ARMC7: variants seen among roughly 807,000 people sequenced by gnomAD.
The protein encoded by ARMC7 is armadillo repeat containing 7, also known as armadillo repeat-containing protein 7.
In ARMC7, 9 loss-of-function variants were observed where a neutral mutation model predicts 14.8. The ratio of observed to expected loss-of-function variants is 0.61; its 90% CI spans 0.37 to 1.06. ARMC7 has a LOEUF of 1.06. Ranked by LOEUF, ARMC7 falls within the 50% of genes least tolerant of loss-of-function variation. ARMC7 has a pLI of 0.01. For missense variants in ARMC7, 262 were observed against 267.1 expected (o/e 0.98, Z 0.13); for synonymous variants, 125 against 123.4 (o/e 1.01, Z -0.09).
At chr17:75,114,681 C>G in intron 2 of ARMC7, 2 of 398,436 alleles carry the variant, frequency 5.0e-6, no homozygotes, top group Non-Finnish European at 8.8e-6. Flanking sequence ...CTTTACTTTT[C>G]CCAACCATTT....
chr17:75,110,032 A>G lies in ARMC7; in HGVS notation c.-257A>G, dbSNP rs1372251059. 2.1e-6 allele frequency: 1 copy of G among 465,798 alleles called. No individual in the cohort carries two copies. Among genetic ancestry groups the G allele is most frequent in the Non-Finnish European group, 3.8e-6 (1 of 260,148 alleles). The allele number at this position is 465,798 out of a possible 1,614,324, so 28.9% of individuals were successfully genotyped here. On this transcript the variant is annotated 5_prime_UTR_variant, in exon 1 of 3. Transcript: ENST00000245543. ...CCCCTCCGCGAGCCCCAACCAGTAG[A>G]CGGTTCCCTGTCTCCCGCGCCCCAA...
chr17:75,123,092 G>A (rs2074025625), intron 2 of ARMC7, among the ~76,000 whole-genome samples: 1 of 146,364 alleles, frequency 6.8e-6, no homozygotes, highest in Admixed American at 7.0e-5. Context: ...AAGCTGGATT[G>A]CAGTGGCACG....
Position 75,129,150 on chromosome 17 carries a change from G to C in ARMC7, c.*112G>C. 7.1e-7 allele frequency: 1 copy of C among 1,406,816 alleles called. No individual in the cohort carries two copies. Among genetic ancestry groups the C allele is most frequent in the South Asian group, 1.5e-5 (1 of 68,684 alleles). 87.1% of individuals were successfully genotyped at this position (1,406,816 alleles called of 1,614,324 possible). ...CCCATTGGTGCCTTTTCAGCCATCT[G>C]AAAGGCGGGTTCTTTCAGCAGGACA... On this transcript the variant is annotated 3_prime_UTR_variant, in exon 3 of 3. Coordinates refer to ENST00000245543, the MANE Select transcript of ARMC7 (RefSeq NM_024585.4).
At chr17:75,116,861 C>T (rs1034733483) in intron 2 of ARMC7, among the ~76,000 whole-genome samples, 3 of 152,170 alleles carry the variant, frequency 2.0e-5, no homozygotes, top group African/African-American at 7.2e-5. Context: ...GGCTTCCTTC[C>T]GTCTGTCCCT....
intron 2 of ARMC7, among the ~76,000 whole-genome samples, chr17:75,118,646 T>G (rs1333200416): frequency 6.6e-6 from 1 of 152,196 alleles, no homozygotes; most frequent in Non-Finnish European, 1.5e-5. Context: ...ATTGTAGAAC[T>G]AGTTTATTGA....
At position 75,110,237 on chromosome 17, in the gene ARMC7, G is replaced by C; in HGVS notation, c.-52G>C. 1.3e-6 allele frequency: 2 copies of C among 1,516,070 alleles called. No individual in the cohort carries two copies. The highest frequency in any genetic ancestry group is 1.8e-6 in the Non-Finnish European group (2 of 1,128,052). 93.9% of individuals were successfully genotyped at this position (1,516,070 alleles called of 1,614,324 possible). On this transcript the variant is annotated 5_prime_UTR_variant, in exon 1 of 3. Transcript: ENST00000245543. ...GAGGGTCTCGCTCGGCTTTCCCCCTGCACCTTTCCCACCCTCCCGCCCGTC... is the reference window on the plus strand; with the variant it reads ...GAGGGTCTCGCTCGGCTTTCCCCCTCCACCTTTCCCACCCTCCCGCCCGTC...
In ARMC7 at chr17:75,110,586, C is replaced by A; in HGVS notation, c.215C>A (p.Thr72Asn). Residue 72 changes from threonine to asparagine, a missense_variant, in exon 2 of 3, where the codon ACC becomes AAC. Coordinates refer to ENST00000245543, the MANE Select transcript of ARMC7 (RefSeq NM_024585.4). ...GATTCGCTGTCGGAGGAGAATGAGA[C>A]CCTGGTGGAGTTTGCTATTGGTAAG... ...FLDSLSEENE[T>N]LVEFAIGGLC... 1.2e-6 allele frequency: 2 copies of A among 1,614,214 alleles called. No individual in the cohort carries two copies. The highest frequency in any genetic ancestry group is 1.1e-5 in the South Asian group (1 of 91,092).
intron 2 of ARMC7, among the ~76,000 whole-genome samples, chr17:75,112,884 A>G (rs2073938542): frequency 6.6e-6 from 1 of 151,966 alleles, no homozygotes; most frequent in Non-Finnish European, 1.5e-5. Context: ...GAAGGCCCCA[A>G]CCAGGAATGC....
At chr17:75,119,806 G>C (rs184459904) in intron 2 of ARMC7, among the ~76,000 whole-genome samples, 1 of 151,828 alleles carries the variant, frequency 6.6e-6, no homozygotes, top group South Asian at 2.1e-4. Context: ...CAGCATGGGC[G>C]AGTCCCCAGA....
intron 2 of ARMC7, among the ~76,000 whole-genome samples, chr17:75,120,948 G>A (rs1182653473): frequency 6.6e-6 from 1 of 152,036 alleles, no homozygotes; most frequent in Non-Finnish European, 1.5e-5. Context: ...AAACCAAGAC[G>A]TAGAAACTCC....
chr17:75,123,546 A>G (rs1480230609), intron 2 of ARMC7, among the ~76,000 whole-genome samples: 1 of 151,382 alleles, frequency 6.6e-6, no homozygotes, highest in Non-Finnish European at 1.5e-5. Context: ...GTAGAGAGGG[A>G]GTTTCACCGT....
intron 1 of ARMC7, 36 bp downstream of exon 1, chr17:75,110,415 C>T: frequency 6.2e-7 from 1 of 1,614,180 alleles, no homozygotes; most frequent in Non-Finnish European, 8.5e-7. Context: ...GCAGGGTCCG[C>T]TGTGACCGCC....
chr17:75,122,874 G>A (rs930274459), intron 2 of ARMC7, among the ~76,000 whole-genome samples: 2 of 151,766 alleles, frequency 1.3e-5, no homozygotes, highest in Non-Finnish European at 2.9e-5. Flanking sequence ...GCCTGGTGAG[G>A]GGGGCGTGGT....
At chr17:75,112,873 C>T (rs1454556004) in intron 2 of ARMC7, among the ~76,000 whole-genome samples, 18 of 151,884 alleles carry the variant, frequency 1.2e-4, no homozygotes, top group Non-Finnish European at 1.9e-4. Context: ...CACTGATTCT[C>T]GAAGGCCCCA....
chr17:75,112,471 C>T (rs928786949), intron 2 of ARMC7, among the ~76,000 whole-genome samples: 1 of 152,036 alleles, frequency 6.6e-6, no homozygotes, highest in African/African-American at 2.4e-5. Flanking sequence ...TCAGGCTTCT[C>T]CACTGTAAAA....
chr17:75,118,348 G>C (rs1240647211), intron 2 of ARMC7, among the ~76,000 whole-genome samples: 2 of 152,140 alleles, frequency 1.3e-5, no homozygotes, highest in African/African-American at 2.4e-5. Flanking sequence ...AGAAGCCCCT[G>C]CTCTCTCTCC....
At chr17:75,113,138 GCTTCAGCC>G (rs918025708) in intron 2 of ARMC7, among the ~76,000 whole-genome samples, 2 of 151,338 alleles carry the variant, frequency 1.3e-5, no homozygotes, top group African/African-American at 4.9e-5. Flanking sequence ...CAGTTCTCCT[GCTTCAGCC>G]TCCCGGGTAT....
At position 75,119,446 on chromosome 17, in the gene ARMC7, G is replaced by GTTTTTTGT. The variant is rs147340090; in HGVS notation, c.235+8846_235+8847insGTTTTTTT. 4.2e-5 allele frequency among the ~76,000 whole-genome samples: 5 copies of GTTTTTTGT among 120,066 alleles called. 1 individual carries two copies. The highest frequency in any genetic ancestry group is 1.8e-4 in the African/African-American group (5 of 28,356). The allele number at this position is 120,066 out of a possible 152,430, so 78.8% of individuals were successfully genotyped here. A position where few individuals can be genotyped will look rare whatever the true frequency, so the allele number is the denominator to read the frequency against. ...ACTTCTGAAAATACCCTGTGATACA[G>GTTTTTTGT]TTTTTTCTTTTTTTTTTTTTGAGAC... On this transcript the variant is annotated intron_variant, in intron 2 of 2. Transcript: ENST00000245543.
At chr17:75,119,148 T>A (rs1450860574) in intron 2 of ARMC7, among the ~76,000 whole-genome samples, 1 of 151,878 alleles carries the variant, frequency 6.6e-6, no homozygotes, top group Non-Finnish European at 1.5e-5. Context: ...GACTGTACAC[T>A]GGTACACTGG....
Sources: gnomAD v4.1 joint callset for allele counts (sites outside exome capture counted in the v4.1 genomes callset) on GRCh38, gnomAD v4.1.1 for gene constraint, MANE v1.5 for transcripts, NCBI Gene and HGNC (gene_info 2026-07-23, HGNC 2026-07-21) for gene names.